Variants in TEX14 observed in about 807,000 individuals in gnomAD.
TEX14 encodes inactive serine/threonine-protein kinase TEX14.
In TEX14, 168 loss-of-function variants were observed where a neutral mutation model predicts 178.6. The ratio of observed to expected loss-of-function variants is 0.94; its 90% confidence interval spans 0.83 to 1.07. The LOEUF is 1.07. TEX14 is among the 50% of genes least tolerant of loss of function. TEX14 has a pLI of 0.00. For synonymous variants in TEX14, 626 were observed against 634.1 expected, an observed-to-expected ratio of 0.99 and a Z score of 0.19; for missense variants, 1,730 against 1,753.6, an observed-to-expected ratio of 0.99 and a Z score of 0.24.
Position 58,569,373 on chromosome 17 carries a change from C to G in TEX14, c.3818-113G>C. The G allele has an allele frequency of 3.9e-6, 3 of 770,010 alleles. No homozygotes were observed. The highest frequency in any genetic ancestry group is 6.5e-6 in the Non-Finnish European group (3 of 459,270). The allele number at this position is 770,010 out of a possible 1,614,324, so 47.7% of individuals were successfully genotyped here. On this transcript the variant is annotated intron_variant, in intron 25 of 31. Transcript: ENST00000349033. The surrounding 1 kb of genome is among the most constrained non-coding windows in gnomAD (Gnocchi z 4.1). ...CTGAGGATTTCTCTCAATGATGAAA[C>G]AAACTAAGGAGGAAGGAAGCCTCTT...
At chr17:58,669,785 G>A (rs1179204374) in intron 1 of TEX14, among the ~76,000 whole-genome samples, 2 of 150,232 alleles carry the variant, frequency 1.3e-5, no homozygotes, top group Admixed American at 6.6e-5. Flanking sequence ...CTTCATTGAG[G>A]TTTAGCAAGA....
At chr17:58,663,195 G>A (rs1178311232) in intron 1 of TEX14, among the ~76,000 whole-genome samples, 16 of 151,854 alleles carry the variant, frequency 1.1e-4, no homozygotes, top group Admixed American at 1.0e-3. Context: ...AGCCAAGGCA[G>A]ATGGATCACC....
chr17:58,597,976 C>T (rs1318981430), intron 14 of TEX14, among the ~76,000 whole-genome samples: 1 of 152,090 alleles, frequency 6.6e-6, no homozygotes, highest in East Asian at 1.9e-4. Context: ...CAGCTGTTAT[C>T]TGAGCTACTT....
chr17:58,671,786 T>C (rs1363035633), intron 1 of TEX14, among the ~76,000 whole-genome samples: 1 of 152,182 alleles, frequency 6.6e-6, no homozygotes, highest in Non-Finnish European at 1.5e-5. Flanking sequence ...GTTTTGAGCT[T>C]ACAAAAGCCT....
chr17:58,672,324 C>T (rs2047317385), intron 1 of TEX14, among the ~76,000 whole-genome samples: 1 of 152,212 alleles, frequency 6.6e-6, no homozygotes, highest in Non-Finnish European at 1.5e-5. Context: ...GTCATCTCCT[C>T]TACTCCCATT....
chr17:58,659,189 A>G, intron 1 of TEX14: 1 of 208,358 alleles, frequency 4.8e-6, no homozygotes, highest in Non-Finnish European at 8.4e-6. Flanking sequence ...ACCACAAGTT[A>G]TGCAGCCGAG....
chr17:58,606,277 C>T (rs1170122576), intron 10 of TEX14, among the ~76,000 whole-genome samples: 1 of 152,158 alleles, frequency 6.6e-6, no homozygotes, highest in African/African-American at 2.4e-5. Flanking sequence ...GATGTAGAAA[C>T]ACTCGGTGAG....
chr17:58,683,934 G>T (rs1322867221), intron 1 of TEX14, among the ~76,000 whole-genome samples: 5 of 143,538 alleles, frequency 3.5e-5, no homozygotes, highest in East Asian at 4.3e-4. Flanking sequence ...GCGTGGTGGT[G>T]CATCCCTGTC....
intron 1 of TEX14, among the ~76,000 whole-genome samples, chr17:58,674,708 T>C (rs559264765): frequency 1.3e-5 from 2 of 151,640 alleles, no homozygotes; most frequent in Non-Finnish European, 2.9e-5. Context: ...AACATAGATG[T>C]AAATCTTCCT....
chr17:58,621,729 A>C lies in TEX14; in HGVS notation c.475T>G (p.Ser159Ala). The stretch of plus-strand genomic sequence containing the variant: ...TCTATCTTCTTCAGGAGGTCGTAAG[A>C]GAAGCCCTGGATGATGGCCTGCATG... The part of the protein sequence containing the change: ...SHMQAIIQGF[S>A]YDLLKKIDSP... The change falls in exon 5 of 32, where the codon TCT becomes GCT. Residue 159 changes from serine to alanine, a missense_variant. By Grantham distance (99) the Ser-to-Ala change is moderately conservative. Around this residue, in one of 2 missense-constraint regions of TEX14, gnomAD observed 789 missense variants for 681.2 expected, o/e 1.16. Transcript: ENST00000349033. The C allele has an allele frequency of 6.2e-7, 1 of 1,614,224 alleles. No homozygotes were observed. The highest frequency in any genetic ancestry group is 1.3e-5 in the African/African-American group (1 of 75,072).
chr17:58,613,603 G>A, intron 8 of TEX14, 59 bp from the exon 9 acceptor site: 1 of 1,568,698 alleles, frequency 6.4e-7, no homozygotes, highest in Non-Finnish European at 8.7e-7. Flanking sequence ...ATGAAAAAAT[G>A]AGCGTAGGCC....
intron 18 of TEX14, 145 bp from the exon 19 acceptor site, chr17:58,584,745 G>C (rs2044911391): frequency 1.5e-6 from 1 of 659,392 alleles, no homozygotes; most frequent in African/African-American, 1.8e-5. Flanking sequence ...AGTCCAGAGA[G>C]TAGAGACTGT....
intron 2 of TEX14, among the ~76,000 whole-genome samples, chr17:58,643,044 T>TA (rs1459708439): frequency 3.9e-5 from 6 of 152,228 alleles, no homozygotes. Flanking sequence ...TTTATCTCTG[T>TA]ATCTCCAGCA....
intron 2 of TEX14, among the ~76,000 whole-genome samples, chr17:58,633,007 C>T (rs1175592521): frequency 2.0e-5 from 3 of 152,180 alleles, no homozygotes; most frequent in African/African-American, 4.8e-5. Context: ...GTGTATTTCT[C>T]GCACTTAAAA....
intron 15 of TEX14, among the ~76,000 whole-genome samples, chr17:58,591,351 C>A (rs1447790160): frequency 6.6e-6 from 1 of 152,024 alleles, no homozygotes; most frequent in African/African-American, 2.4e-5. Context: ...AACTCCATCT[C>A]TACTAAAAAA....
At chr17:58,586,128 G>T in intron 17 of TEX14, 46 bp from the exon 18 acceptor site, 1 of 1,546,210 alleles carries the variant, frequency 6.5e-7, no homozygotes, top group Non-Finnish European at 8.8e-7. Context: ...TGTAAACACT[G>T]GAAACACAGG....
At chr17:58,670,268 C>T (rs558832316) in intron 1 of TEX14, among the ~76,000 whole-genome samples, 1 of 152,242 alleles carries the variant, frequency 6.6e-6, no homozygotes, top group South Asian at 2.1e-4. Context: ...GAGTTTTCAT[C>T]TGTCACTGCT....
rs2045736114 is a variant in TEX14, at chr17:58,611,182, T to C, written c.1163A>G (p.Asn388Ser). Reference protein sequence around the residue: ...IISPGEARLTNLEYMLESEDR... With the variant: ...IISPGEARLTSLEYMLESEDR... ...CCACCTTTCCAACATGTACTCCAGG[T>C]TGGTCAGCCTCGCTTCACCTGGGGA... The change falls in exon 10 of 32, where the codon AAC (asparagine) becomes AGC (serine). Residue 388 changes from asparagine (N) to serine (S), a missense_variant. Coordinates refer to ENST00000349033, the MANE Select transcript of TEX14 (RefSeq NM_031272.5). 4 of 1,613,910 alleles carry C rather than the reference T, an allele frequency of 2.5e-6. No homozygotes were observed. The highest frequency in any genetic ancestry group is 3.4e-6 in the Non-Finnish European group (4 of 1,179,864).
chr17:58,591,478 A>G (rs939374376), intron 15 of TEX14, among the ~76,000 whole-genome samples: 2 of 152,144 alleles, frequency 1.3e-5, no homozygotes, highest in East Asian at 3.9e-4. Context: ...ATATCGCGCC[A>G]TTGCACTCCA....
Sources: gnomAD v4.1 joint callset for allele counts (sites outside exome capture counted in the v4.1 genomes callset) on GRCh38, gnomAD v4.1.1 for gene constraint, gnomAD v4.1.1 regional missense constraint, Gnocchi (gnomAD v3.1) non-coding constraint, MANE v1.5 for transcripts, NCBI Gene and HGNC (gene_info 2026-07-23, HGNC 2026-07-21) for gene names.